The following ZNRF3 variants were observed in gnomAD, a reference collection of about 807,000 sequenced individuals.
The protein encoded by ZNRF3 is E3 ubiquitin-protein ligase ZNRF3.
Under a neutral mutation model 72.5 loss-of-function variants are expected in ZNRF3, and 23 were observed. The observed-to-expected ratio is 0.32, with a 90% CI of 0.23 to 0.45. ZNRF3 has a LOEUF of 0.45. Ranked by LOEUF, ZNRF3 falls within the 20% of genes least tolerant of loss-of-function variation. The pLI is 1.00. For missense variants in ZNRF3, 1,169 were observed against 1,272.1 expected, an observed-to-expected ratio of 0.92 and a Z score of 1.23; for synonymous variants, 610 against 545.3, an observed-to-expected ratio of 1.12 and a Z score of -1.65.
At chr22:28,986,820 C>T (rs930831773) in intron 1 of ZNRF3, among the ~76,000 whole-genome samples, 1 of 152,078 alleles carries the variant, frequency 6.6e-6, no homozygotes, top group Non-Finnish European at 1.5e-5. Flanking sequence ...GGGCAGTTTC[C>T]ACCTTGGATC....
intron 1 of ZNRF3, among the ~76,000 whole-genome samples, chr22:28,920,825 T>C (rs993960961): frequency 1.3e-5 from 2 of 152,220 alleles, no homozygotes; most frequent in African/African-American, 4.8e-5. Context: ...GCTTTGGTCT[T>C]TCCCCAGCCT....
intron 1 of ZNRF3, among the ~76,000 whole-genome samples, chr22:28,920,135 A>AT (rs57977785): frequency 0.07 from 10,168 of 145,950 alleles, 439 homozygotes; most frequent in East Asian, 0.14. Flanking sequence ...ATGCCCAGCT[A>AT]TTTTTTTTTT....
At chr22:28,975,967 G>T (rs1034799337) in intron 1 of ZNRF3, among the ~76,000 whole-genome samples, 5 of 152,176 alleles carry the variant, frequency 3.3e-5, no homozygotes, top group Admixed American at 1.3e-4. Flanking sequence ...GATGGATGAT[G>T]ATTCTGTTTT....
intron 2 of ZNRF3, among the ~76,000 whole-genome samples, chr22:29,009,786 T>C (rs2036317402): frequency 6.6e-6 from 1 of 152,156 alleles, no homozygotes; most frequent in South Asian, 2.1e-4. Flanking sequence ...TTTAAAATGG[T>C]GGTAACTATA....
Position 28,884,045 on chromosome 22 carries a change from C to T in ZNRF3, c.279C>T (p.Ser93=), listed in dbSNP as rs1238562946. Residue 93 remains serine (S), a synonymous_variant, in exon 1 of 9, where the codon AGC becomes AGT. Transcript: ENST00000544604. ...GRFSRAGATL[S]AEGEIVQMHP... The stretch of plus-strand genomic sequence containing the variant: ...TCTCGCGGGCCGGGGCCACGCTCAG[C>T]GCCGAGGGCGAGATCGTGCAGGTAG... The T allele has an allele frequency of 2.2e-5, 28 of 1,275,436 alleles. No homozygotes were observed. The highest frequency in any genetic ancestry group is 6.4e-5 in the African/African-American group (4 of 62,592). The allele number at this position is 1,275,436 out of a possible 1,614,324, so 79.0% of individuals were successfully genotyped here.
chr22:28,981,339 A>G (rs2035760171), intron 1 of ZNRF3, among the ~76,000 whole-genome samples: 1 of 152,168 alleles, frequency 6.6e-6, no homozygotes, highest in Non-Finnish European at 1.5e-5. Context: ...TTAAAATCAG[A>G]GGCTAATAAT....
intron 1 of ZNRF3, among the ~76,000 whole-genome samples, chr22:28,884,269 G>A (rs1330785962): frequency 1.3e-5 from 2 of 152,000 alleles, no homozygotes; most frequent in Non-Finnish European, 2.9e-5. Context: ...GAGCGCACGT[G>A]GGGGCTAGAG....
At chr22:29,016,595 G>C (rs2036441890) in intron 2 of ZNRF3, among the ~76,000 whole-genome samples, 2 of 152,216 alleles carry the variant, frequency 1.3e-5, no homozygotes, top group Admixed American at 1.3e-4. Context: ...CATGAAAACA[G>C]AAGTGTATTT....
At chr22:28,921,418 ACCACAGAGC>A (rs1041009724) in intron 1 of ZNRF3, among the ~76,000 whole-genome samples, 9 of 152,144 alleles carry the variant, frequency 5.9e-5, no homozygotes, top group African/African-American at 1.9e-4. Context: ...TTGGCATCCA[ACCACAGAGC>A]CCCTTGCCTC....
At chr22:28,937,106 A>G (rs1302007226) in intron 1 of ZNRF3, among the ~76,000 whole-genome samples, 1 of 150,276 alleles carries the variant, frequency 6.7e-6, no homozygotes, top group East Asian at 1.9e-4. Flanking sequence ...TTATTATAAA[A>G]TTGAGACTGG....
chr22:29,032,107 G>A (rs1266576270), intron 2 of ZNRF3, among the ~76,000 whole-genome samples: 1 of 152,192 alleles, frequency 6.6e-6, no homozygotes, highest in Non-Finnish European at 1.5e-5. Flanking sequence ...TGTATGGTGT[G>A]GCCATATTTC....
chr22:28,976,333 A>G (rs1013480193), intron 1 of ZNRF3, among the ~76,000 whole-genome samples: 1 of 152,040 alleles, frequency 6.6e-6, no homozygotes, highest in African/African-American at 2.4e-5. Flanking sequence ...ACCAGCCTGG[A>G]CAACATAGTG....
chr22:28,968,381 T>C (rs1473010789), intron 1 of ZNRF3, among the ~76,000 whole-genome samples: 1 of 152,224 alleles, frequency 6.6e-6, no homozygotes, highest in East Asian at 1.9e-4. Flanking sequence ...TAATTCCTTT[T>C]TGCATCTCCC....
intron 1 of ZNRF3, among the ~76,000 whole-genome samples, chr22:28,970,323 C>G (rs929676498): frequency 5.9e-5 from 9 of 152,154 alleles, no homozygotes; most frequent in Non-Finnish European, 1.0e-4. Context: ...TGAGATACTG[C>G]TACGTGCCAC....
At chr22:28,924,612 C>G (rs1431351629) in intron 1 of ZNRF3, among the ~76,000 whole-genome samples, 3 of 152,108 alleles carry the variant, frequency 2.0e-5, no homozygotes, top group Admixed American at 6.5e-5. Context: ...TGATGTGTGC[C>G]TGTAGTCCTA....
At chr22:28,930,050 A>G (rs1055229644) in intron 1 of ZNRF3, among the ~76,000 whole-genome samples, 2 of 152,244 alleles carry the variant, frequency 1.3e-5, no homozygotes, top group East Asian at 3.8e-4. Flanking sequence ...TCAAAGCAGA[A>G]CAAATACGTA....
At chr22:28,959,947 A>G (rs2035327466) in intron 1 of ZNRF3, among the ~76,000 whole-genome samples, 1 of 152,244 alleles carries the variant, frequency 6.6e-6, no homozygotes, top group South Asian at 2.1e-4. Flanking sequence ...TCCCAGCTCC[A>G]GAACTGTGAG....
intron 2 of ZNRF3, chr22:29,018,254 G>T: frequency 3.6e-6 from 1 of 276,204 alleles, no homozygotes; most frequent in South Asian, 3.5e-5. Context: ...GGGTAGCAGG[G>T]ATGCAAAGGG....
At chr22:28,957,798 C>G (rs1323786676) in intron 1 of ZNRF3, among the ~76,000 whole-genome samples, 10 of 152,098 alleles carry the variant, frequency 6.6e-5, no homozygotes, top group Admixed American at 6.5e-4. Context: ...TTTCTTGAGA[C>G]TGTACCGTGA....
Sources: gnomAD v4.1 joint callset for allele counts (sites outside exome capture counted in the v4.1 genomes callset) on GRCh38, gnomAD v4.1.1 for gene constraint, MANE v1.5 for transcripts, NCBI Gene and HGNC (gene_info 2026-07-23, HGNC 2026-07-21) for gene names.